PHACTR1: variants seen among roughly 807,000 people sequenced by gnomAD.
PHACTR1 encodes RPEL repeat containing 1.
In PHACTR1, 16 loss-of-function variants were observed where a neutral mutation model predicts 69.2. The observed-to-expected ratio is 0.23, with a 90% confidence interval of 0.16 to 0.35. The LOEUF (loss-of-function observed/expected upper bound fraction) is 0.35. PHACTR1 is among the 10% of genes least tolerant of loss of function. The pLI, the probability that PHACTR1 is intolerant of heterozygous loss-of-function variation, is 1.00. For synonymous variants in PHACTR1, 312 were observed against 284.5 expected, an observed-to-expected ratio of 1.10 and a Z score of -0.97; for missense variants, 510 against 734.7, an observed-to-expected ratio of 0.69 and a Z score of 3.54.
At chr6:13,137,207 T>C (rs1821698605) in intron 5 of PHACTR1, among the ~76,000 whole-genome samples, 1 of 152,256 alleles carries the variant, frequency 6.6e-6, no homozygotes, top group African/African-American at 2.4e-5. Context: ...AGTTAATCAA[T>C]GAACAGTCTT....
At chr6:12,941,863 A>T (rs1353574003) in intron 4 of PHACTR1, among the ~76,000 whole-genome samples, 1 of 152,218 alleles carries the variant, frequency 6.6e-6, no homozygotes, top group African/African-American at 2.4e-5. Flanking sequence ...AAAGGTCATT[A>T]TATGGGGCTT....
intron 4 of PHACTR1, among the ~76,000 whole-genome samples, chr6:12,750,021 G>T (rs886410740): frequency 3.8e-4 from 58 of 152,310 alleles, no homozygotes; most frequent in African/African-American, 1.3e-3. Flanking sequence ...GGCTTCCCCG[G>T]CACGGGGAGG....
At chr6:13,069,121 AG>A (rs924843240) in intron 5 of PHACTR1, among the ~76,000 whole-genome samples, 3 of 152,154 alleles carry the variant, frequency 2.0e-5, no homozygotes, top group African/African-American at 7.2e-5. Context: ...AGAAAACAGA[AG>A]GGATTGCTGG....
At chr6:13,137,038 G>A (rs1237138922) in intron 5 of PHACTR1, among the ~76,000 whole-genome samples, 1 of 152,184 alleles carries the variant, frequency 6.6e-6, no homozygotes, top group South Asian at 2.1e-4. Context: ...AAATGGTGCC[G>A]ATAGACTTGC....
chr6:13,101,827 C>T (rs973802272), intron 5 of PHACTR1, among the ~76,000 whole-genome samples: 5 of 152,100 alleles, frequency 3.3e-5, no homozygotes, highest in Non-Finnish European at 5.9e-5. Flanking sequence ...CTCAGTGGTA[C>T]GTCTCAGTGG....
intron 4 of PHACTR1, among the ~76,000 whole-genome samples, chr6:12,781,928 A>T (rs535794647): frequency 3.3e-5 from 5 of 152,282 alleles, no homozygotes; most frequent in African/African-American, 1.2e-4. Flanking sequence ...TGTGACAAGG[A>T]TCTCTGTCAC....
intron 4 of PHACTR1, among the ~76,000 whole-genome samples, chr6:12,961,561 C>CA (rs1263870817): frequency 4.6e-5 from 7 of 152,130 alleles, no homozygotes; most frequent in Non-Finnish European, 8.8e-5. Context: ...ACCTAAAGTA[C>CA]AAACTTGTGT....
In PHACTR1 at chr6:13,189,050, C is replaced by T. The variant is rs148369623; in HGVS notation, c.664+6364C>T. 2.2e-3 allele frequency among the ~76,000 whole-genome samples: 334 copies of T among 152,338 alleles called. 2 individuals are homozygous for T. Among genetic ancestry groups the T allele is most frequent in the African/African-American group, 7.6e-3 (317 of 41,554 alleles). On this transcript the variant is annotated intron_variant, in intron 7 of 14. Transcript: ENST00000332995. ...CTGGCTCCAGAAGTCAGATGTTCAA[C>T]GCTGCATGAATAACCTATGCCTTCT...
intron 4 of PHACTR1, among the ~76,000 whole-genome samples, chr6:12,856,247 CTTTCTTTCTTTTTTT>C (rs1780341609): frequency 2.3e-5 from 2 of 87,234 alleles, no homozygotes; most frequent in African/African-American, 3.3e-5. Context: ...TTCTTTCTTT[CTTTCTTTCTTTTTTT>C]TTTTTTCTGA....
intron 4 of PHACTR1, among the ~76,000 whole-genome samples, chr6:12,994,400 G>C (rs1797178059): frequency 6.6e-6 from 1 of 152,156 alleles, no homozygotes; most frequent in Non-Finnish European, 1.5e-5. Flanking sequence ...GAGGCACCCT[G>C]TCTGAAATAT....
intron 3 of PHACTR1, among the ~76,000 whole-genome samples, chr6:12,728,226 G>A (rs1763046636): frequency 6.6e-6 from 1 of 152,090 alleles, no homozygotes; most frequent in South Asian, 2.1e-4. Flanking sequence ...GGCTGAGGCG[G>A]GCGGATTGCT....
intron 4 of PHACTR1, among the ~76,000 whole-genome samples, chr6:12,911,022 G>A (rs1786323582): frequency 1.3e-5 from 2 of 152,206 alleles, no homozygotes; most frequent in African/African-American, 4.8e-5. Context: ...TGGCAAAGGG[G>A]CTGCATGGAG....
intron 4 of PHACTR1, among the ~76,000 whole-genome samples, chr6:12,791,178 T>A (rs982783918): frequency 2.6e-5 from 4 of 151,782 alleles, no homozygotes; most frequent in Non-Finnish European, 5.9e-5. Flanking sequence ...CACAGAAAAA[T>A]GTGTGACTGC....
chr6:12,985,538 AAAAATATAT>A (rs1582834200), intron 4 of PHACTR1, among the ~76,000 whole-genome samples: 1 of 134,872 alleles, frequency 7.4e-6, no homozygotes, highest in African/African-American at 3.0e-5. Flanking sequence ...TAAAAAAAAA[AAAAATATAT>A]ATATATATAT....
intron 4 of PHACTR1, among the ~76,000 whole-genome samples, chr6:13,034,202 A>G (rs1209115032): frequency 6.6e-6 from 1 of 151,816 alleles, no homozygotes; most frequent in African/African-American, 2.4e-5. Context: ...TATTTTTAGT[A>G]GAGACGGAGT....
intron 3 of PHACTR1, among the ~76,000 whole-genome samples, chr6:12,732,672 C>T (rs1373100055): frequency 1.3e-5 from 2 of 151,924 alleles, no homozygotes; most frequent in Admixed American, 6.6e-5. Context: ...CTTTTTATGG[C>T]TGTGTAGTAT....
intron 4 of PHACTR1, among the ~76,000 whole-genome samples, chr6:13,004,015 A>C (rs1225576687): frequency 7.0e-6 from 1 of 143,836 alleles, no homozygotes; most frequent in African/African-American, 2.7e-5. Context: ...TTATCCAGTC[A>C]TCTGTTGATG....
intron 5 of PHACTR1, among the ~76,000 whole-genome samples, chr6:13,057,219 A>G (rs987469615): frequency 3.9e-5 from 6 of 152,184 alleles, no homozygotes; most frequent in African/African-American, 1.4e-4. Flanking sequence ...ATCACTACAC[A>G]TTGTATACAT....
chr6:12,964,327 A>C (rs939661817), intron 4 of PHACTR1, among the ~76,000 whole-genome samples: 1 of 152,246 alleles, frequency 6.6e-6, no homozygotes, highest in Non-Finnish European at 1.5e-5. Context: ...ACAGAAAAAA[A>C]AGATTATTGA....
Sources: gnomAD v4.1 joint callset for allele counts (sites outside exome capture counted in the v4.1 genomes callset) on GRCh38, gnomAD v4.1.1 for gene constraint, MANE v1.5 for transcripts, NCBI Gene and HGNC (gene_info 2026-07-23, HGNC 2026-07-21) for gene names.